Variants in TET3 observed in about 807,000 individuals in gnomAD.
The protein encoded by TET3 is methylcytosine dioxygenase TET3.
Under a neutral mutation model 141.4 loss-of-function variants are expected in TET3, and 19 were observed. The ratio of observed to expected loss-of-function variants is 0.13; its 90% CI spans 0.09 to 0.20. The LOEUF (loss-of-function observed/expected upper bound fraction) is 0.20. Among genes scored for constraint, TET3 ranks in the 10% least tolerant of loss-of-function variants. The pLI, the probability that TET3 is intolerant of heterozygous loss-of-function variation, is 1.00. For synonymous variants in TET3, 1,043 were observed against 980.9 expected (o/e 1.06, Z -1.18); for missense variants, 1,874 against 2,356.9 (o/e 0.80, Z 4.24).
In TET3 at chr2:74,104,125, T is replaced by C. The variant is rs1366649933; in HGVS notation, c.*1949T>C. Reference sequence around the variant, plus strand: ...TTTTTTAAGCACTTTTGCCTAGATTTAAACAGCAACTTGAAAAAAAAAGTA... The same window carrying C: ...TTTTTTAAGCACTTTTGCCTAGATTCAAACAGCAACTTGAAAAAAAAAGTA... On this transcript the variant is annotated 3_prime_UTR_variant, in exon 12 of 12. Transcript: ENST00000409262. 6.5e-6 allele frequency: 1 copy of C among 153,414 alleles called. No individual in the cohort carries two copies. Among genetic ancestry groups the C allele is most frequent in the Non-Finnish European group, 1.5e-5 (1 of 68,034 alleles). The allele number at this position is 153,414 out of a possible 1,614,324, so 9.5% of individuals were successfully genotyped here.
intron 3 of TET3, among the ~76,000 whole-genome samples, chr2:74,018,547 A>C (rs1685857107): frequency 6.6e-6 from 1 of 152,146 alleles, no homozygotes; most frequent in Non-Finnish European, 1.5e-5. Flanking sequence ...TGTTATCCCC[A>C]ATCTATTTAT....
Position 74,046,385 on chromosome 2 carries a change from C to T in TET3, c.468C>T (p.Val156=). Residue 156 remains valine, a synonymous_variant, in exon 4 of 12, where the codon GTC becomes GTT. Transcript: ENST00000409262. This position sits in a 1 kb window ranked among gnomAD's most constrained non-coding sequence, Gnocchi z 4.3. ...AGCTAAGCGCCTCAGGGGTGCCGGT[C>T]AATGGTGCTAGAGAGCCCGCTGGAC... ...SRQLSASGVP[V]NGAREPAGPS... 1 of 1,545,128 alleles carries T rather than the reference C, an allele frequency of 6.5e-7. No homozygotes were observed. Among genetic ancestry groups the T allele is most frequent in the African/African-American group, 1.4e-5 (1 of 72,680 alleles).
intron 3 of TET3, among the ~76,000 whole-genome samples, chr2:74,018,311 G>T (rs994793153): frequency 6.6e-6 from 1 of 152,004 alleles, no homozygotes; most frequent in Non-Finnish European, 1.5e-5. Context: ...AGCTTTCATC[G>T]TTATGAGGGT....
intron 3 of TET3, among the ~76,000 whole-genome samples, chr2:74,027,337 C>CTT (rs10649560): frequency 0.023 from 3,201 of 139,620 alleles, 45 homozygotes; most frequent in Non-Finnish European, 0.031. Flanking sequence ...TGAGAAGTGA[C>CTT]TTTTTTTTTT....
chr2:74,069,603 T>C (rs1689096958), intron 4 of TET3, among the ~76,000 whole-genome samples: 1 of 151,576 alleles, frequency 6.6e-6, no homozygotes, highest in Admixed American at 6.6e-5. Context: ...TTTTTTTCCC[T>C]TGATGCAGGG....
the TET3 span, among the ~76,000 whole-genome samples, chr2:74,127,312 A>G: frequency 6.6e-6 from 1 of 152,206 alleles, no homozygotes; most frequent in African/African-American, 2.4e-5. Flanking sequence ...ATTTACAACT[A>G]TGTAATTCTT....
chr2:74,043,124 C>G (rs1209032609), intron 3 of TET3, among the ~76,000 whole-genome samples: 1 of 152,208 alleles, frequency 6.6e-6, no homozygotes, highest in East Asian at 1.9e-4. Flanking sequence ...CTGTGCTACT[C>G]TCGGGTGTTT....
intron 3 of TET3, among the ~76,000 whole-genome samples, chr2:74,017,961 C>CTTTTTTTTTTTT (rs35319685): frequency 1.0e-5 from 1 of 97,232 alleles, no homozygotes; most frequent in Non-Finnish European, 1.9e-5. Context: ...TCTTCTGTCT[C>CTTTTTTTTTTTT]TTTTTTTTTT....
chr2:74,093,777 T>G lies in TET3; in HGVS notation c.3267+111T>G. 7.5e-7 allele frequency: 1 copy of G among 1,329,376 alleles called. No individual in the cohort carries two copies. Among genetic ancestry groups the G allele is most frequent in the Non-Finnish European group, 9.8e-7 (1 of 1,015,778 alleles). 82.3% of individuals were successfully genotyped at this position (1,329,376 alleles called of 1,614,324 possible). ...GGTAGGGAGGGACCTGGAGACAGGATCCTCAGAACTCTGGAAGGTTCCCTG... is the reference window on the plus strand; with the variant it reads ...GGTAGGGAGGGACCTGGAGACAGGAGCCTCAGAACTCTGGAAGGTTCCCTG... On this transcript the variant is annotated intron_variant, in intron 10 of 11. Transcript: ENST00000409262. The surrounding 1 kb of genome is among the most constrained non-coding windows in gnomAD (Gnocchi z 4.2).
intron 3 of TET3, among the ~76,000 whole-genome samples, chr2:74,040,969 G>A (rs1356850349): frequency 6.6e-6 from 1 of 152,158 alleles, no homozygotes; most frequent in Non-Finnish European, 1.5e-5. Flanking sequence ...GAAAAGCGGA[G>A]GGTTTCTGAG....
intron 11 of TET3, among the ~76,000 whole-genome samples, 194 bp downstream of exon 11, chr2:74,099,806 T>C (rs904660460): frequency 9.2e-5 from 14 of 152,290 alleles, no homozygotes; most frequent in African/African-American, 3.4e-4. Context: ...GGACTTGTTA[T>C]CTGCGTGGAA....
intron 2 of TET3, among the ~76,000 whole-genome samples, chr2:73,994,638 C>CTTTCTTTTTTTTTTTTTTTTTT (rs1553412093): frequency 1.0e-5 from 1 of 96,750 alleles, no homozygotes; most frequent in African/African-American, 6.0e-5. Flanking sequence ...TTCTTTCTTT[C>CTTTCTTTTTTTTTTTTTTTTTT]TTTTTTTTTT....
intron 5 of TET3, among the ~76,000 whole-genome samples, chr2:74,078,855 C>G (rs1689653593): frequency 6.6e-6 from 1 of 152,184 alleles, no homozygotes; most frequent in Admixed American, 6.5e-5. Context: ...AATCATCTGT[C>G]TCCTTATGTG....
chr2:74,099,472 C>A lies in TET3; in HGVS notation c.3464C>A (p.Pro1155His). Reference protein sequence around the residue: ...FPREVRRLPEPAKSCRQRQLE... With the variant: ...FPREVRRLPEHAKSCRQRQLE... ...CGCGAGGTCCGACGCCTGCCCGAGC[C>A]TGCCAAGTCCTGCCGCCAGCGGCAG... The change falls in exon 11 of 12, where the codon CCT becomes CAT. Residue 1155 changes from proline to histidine, a missense_variant. Physicochemically the swap from Pro to His is moderately conservative, Grantham distance 77. Coordinates refer to ENST00000409262, the MANE Select transcript of TET3 (RefSeq NM_001287491.2). 6.2e-7 allele frequency: 1 copy of A among 1,613,772 alleles called. No individual in the cohort carries two copies. The highest frequency in any genetic ancestry group is 8.5e-7 in the Non-Finnish European group (1 of 1,179,862).
intron 2 of TET3, among the ~76,000 whole-genome samples, chr2:73,991,312 G>A (rs1321223654): frequency 6.6e-6 from 1 of 151,764 alleles, no homozygotes; most frequent in African/African-American, 2.4e-5. Context: ...GGCCGGGCAC[G>A]GTGGCTCACG....
In TET3 at chr2:74,105,983, A is replaced by G. The variant is rs974793714; in HGVS notation, c.*3807A>G. ...TATGAATTGAAATAGTCTAAATAAA[A>G]TGGTGCTATGGTGTTTTAATGTGAC... is the stretch of plus-strand genomic sequence containing the variant. On this transcript the variant is annotated 3_prime_UTR_variant, in exon 12 of 12. Transcript: ENST00000409262. The G allele has an allele frequency of 2.0e-5, 3 of 153,476 alleles. No homozygotes were observed. The highest frequency in any genetic ancestry group is 7.2e-5 in the African/African-American group (3 of 41,438). 9.5% of individuals were successfully genotyped at this position (153,476 alleles called of 1,614,324 possible).
intron 3 of TET3, among the ~76,000 whole-genome samples, chr2:74,038,815 C>G (rs560526055): frequency 6.6e-6 from 1 of 152,284 alleles, no homozygotes; most frequent in Non-Finnish European, 1.5e-5. Context: ...ACGAAAAGAT[C>G]CCTAACAGAA....
Position 73,986,353 on chromosome 2 carries a change from A to G in TET3, c.-51A>G. The G allele has an allele frequency of 8.1e-7, 1 of 1,231,236 alleles. No homozygotes were observed. The highest frequency in any genetic ancestry group is 1.0e-6 in the Non-Finnish European group (1 of 987,404). 76.3% of individuals were successfully genotyped at this position (1,231,236 alleles called of 1,614,324 possible). A position where few individuals can be genotyped will look rare whatever the true frequency, so the allele number is the denominator to read the frequency against. On this transcript the variant is annotated 5_prime_UTR_variant, in exon 2 of 12. Coordinates refer to ENST00000409262, the MANE Select transcript of TET3 (RefSeq NM_001287491.2). The stretch of plus-strand genomic sequence containing the variant: ...GTTGGTGGCCTTTGGAGGTGGCAGG[A>G]AACGACTGTGGTTCTGCCCCAGCAC...
intron 4 of TET3, among the ~76,000 whole-genome samples, chr2:74,060,736 A>T (rs948362436): frequency 6.6e-6 from 1 of 152,188 alleles, no homozygotes; most frequent in Non-Finnish European, 1.5e-5. Flanking sequence ...CTTAGCGAGC[A>T]TGCTGCCTTC....
Sources: allele counts gnomAD v4.1 joint callset (sites outside exome capture counted in the v4.1 genomes callset), GRCh38; gene constraint gnomAD v4.1.1; non-coding constraint Gnocchi (gnomAD v3.1); transcripts MANE v1.5; gene names NCBI Gene and HGNC (gene_info 2026-07-23, HGNC 2026-07-21).